Variants in MEF2A observed in about 807,000 individuals in gnomAD.
The protein encoded by MEF2A is myocyte-specific enhancer factor 2A.
In MEF2A, 28 loss-of-function variants were observed where a neutral mutation model predicts 55.8. The observed-to-expected ratio is 0.50, with a 90% CI of 0.37 to 0.69. MEF2A has a LOEUF of 0.69. MEF2A is among the 30% of genes least tolerant of loss of function. The pLI is 0.00. For missense variants in MEF2A, 528 were observed against 626.2 expected (o/e 0.84, Z 1.67); for synonymous variants, 239 against 227.1 (o/e 1.05, Z -0.47).
intron 2 of MEF2A, among the ~76,000 whole-genome samples, chr15:99,610,421 C>T: frequency 1.2e-5 from 1 of 80,438 alleles, no homozygotes; most frequent in Non-Finnish European, 2.3e-5. Context: ...GCCCCCCCCC[C>T]CCCCCACCCC....
At chr15:99,655,896 C>T (rs1240079470) in intron 4 of MEF2A, among the ~76,000 whole-genome samples, 2 of 152,082 alleles carry the variant, frequency 1.3e-5, no homozygotes, top group East Asian at 1.9e-4. Context: ...CTGGCTCTCT[C>T]TTTCATTTAA....
chr15:99,629,518 G>A (rs374910472), intron 2 of MEF2A, among the ~76,000 whole-genome samples: 607 of 143,168 alleles, frequency 4.2e-3, no homozygotes, highest in East Asian at 0.011. Flanking sequence ...AAAAGAAAGC[G>A]GAGAGGAAAG....
At chr15:99,708,908 G>A (rs1412151795) in intron 10 of MEF2A, among the ~76,000 whole-genome samples, 2 of 152,320 alleles carry the variant, frequency 1.3e-5, no homozygotes, top group African/African-American at 4.8e-5. Flanking sequence ...GGGACAGAGC[G>A]TGGGTGGTTA....
At chr15:99,577,449 G>A (rs922741004) in intron 1 of MEF2A, among the ~76,000 whole-genome samples, 10 of 152,126 alleles carry the variant, frequency 6.6e-5, no homozygotes, top group African/African-American at 2.2e-4. Context: ...GGACATAGAC[G>A]ATTTGTGCTT....
intron 9 of MEF2A, among the ~76,000 whole-genome samples, chr15:99,706,173 G>A (rs992966103): frequency 1.3e-5 from 2 of 152,226 alleles, no homozygotes; most frequent in Non-Finnish European, 2.9e-5. Flanking sequence ...GGACTATGAA[G>A]GGATACATGT....
chr15:99,636,685 C>T (rs1452864452), intron 3 of MEF2A, among the ~76,000 whole-genome samples: 1 of 152,176 alleles, frequency 6.6e-6, no homozygotes, highest in Non-Finnish European at 1.5e-5. Context: ...TTAATGGTTT[C>T]CCATTTACCT....
intron 1 of MEF2A, among the ~76,000 whole-genome samples, chr15:99,591,603 T>C (rs1194798358): frequency 1.3e-5 from 2 of 152,186 alleles, no homozygotes; most frequent in Admixed American, 6.6e-5. Flanking sequence ...TATTTCGTCA[T>C]GTATTTTTTG....
chr15:99,636,477 G>T (rs1484194237), intron 3 of MEF2A, among the ~76,000 whole-genome samples: 6 of 152,040 alleles, frequency 3.9e-5, no homozygotes, highest in African/African-American at 1.4e-4. Context: ...TCTTGAGTAG[G>T]TTGGACTACG....
At chr15:99,703,655 T>A (rs201328002) in intron 9 of MEF2A, among the ~76,000 whole-genome samples, 1 of 64,362 alleles carries the variant, frequency 1.6e-5, no homozygotes, top group Non-Finnish European at 4.8e-5. Flanking sequence ...TACTTGTTAA[T>A]TTTTTTTTTA....
intron 5 of MEF2A, 113 bp from the exon 6 acceptor site, chr15:99,674,280 C>T (rs1272560967): frequency 2.5e-5 from 22 of 895,714 alleles, no homozygotes; most frequent in Non-Finnish European, 3.6e-5. Flanking sequence ...AAGAACCTAT[C>T]CCTATCCTCT....
intron 11 of MEF2A, among the ~76,000 whole-genome samples, chr15:99,711,417 G>A (rs2058630413): frequency 6.6e-6 from 1 of 152,220 alleles, no homozygotes; most frequent in African/African-American, 2.4e-5. Context: ...AAGCAAAGAG[G>A]ATTTACAGTG....
At chr15:99,602,653 GGTGTGTGTGTGTGTGT>G (rs773502316) in intron 2 of MEF2A, among the ~76,000 whole-genome samples, 37 of 44,864 alleles carry the variant, frequency 8.2e-4, no homozygotes, top group East Asian at 6.1e-3. Flanking sequence ...ACATTCCTGG[GGTGTGTGTGTGTGTGT>G]GTGTGTGTGT....
chr15:99,683,653 C>T (rs1212303818), intron 7 of MEF2A, among the ~76,000 whole-genome samples: 1 of 150,680 alleles, frequency 6.6e-6, no homozygotes, highest in African/African-American at 2.4e-5. Context: ...ATCTACCCAT[C>T]TCGGCCTCCC....
rs28377673 is a variant in MEF2A, at chr15:99,715,887, T to C, written c.*3116T>C. On this transcript the variant is annotated 3_prime_UTR_variant, in exon 12 of 12. Transcript: ENST00000557942. ...AAACTCCATCTTTTGAGCCCAATTATGTCCATTTTGTTATAGACTAAATCA... is the reference window on the plus strand; with the variant it reads ...AAACTCCATCTTTTGAGCCCAATTACGTCCATTTTGTTATAGACTAAATCA... 0.045 allele frequency: 6,786 copies of C among 152,462 alleles called. 504 individuals carry two copies. Among genetic ancestry groups the C allele is most frequent in the African/African-American group, 0.15 (6,229 of 41,520 alleles). 9.4% of individuals were successfully genotyped at this position (152,462 alleles called of 1,614,324 possible). A position where few individuals can be genotyped will look rare whatever the true frequency, so the allele number is the denominator to read the frequency against.
chr15:99,571,720 C>T (rs1199915799), intron 1 of MEF2A, among the ~76,000 whole-genome samples: 1 of 7,126 alleles, frequency 1.4e-4, no homozygotes, highest in African/African-American at 2.5e-4. Context: ...CTATTTTTCC[C>T]TCTTCCCCCA....
intron 2 of MEF2A, among the ~76,000 whole-genome samples, chr15:99,601,565 G>T (rs1049533628): frequency 1.5e-5 from 2 of 129,176 alleles, no homozygotes; most frequent in South Asian, 2.8e-4. Context: ...TTGGCCAAAT[G>T]TTTTTTCTGC....
Position 99,569,315 on chromosome 15 carries a change from G to A in MEF2A, c.-225+3211G>A, listed in dbSNP as rs111638983. Among the ~76,000 whole-genome samples the A allele has an allele frequency of 5.4e-4, 83 of 152,310 alleles. 1 individual carries two copies. Among genetic ancestry groups the A allele is most frequent in the African/African-American group, 2.0e-3 (82 of 41,554 alleles). On this transcript the variant is annotated intron_variant, in intron 1 of 11. Transcript: ENST00000557942. ...GCCTGATCTCCCTGCATCCCTTCTG[G>A]CTTTTGTTTCTTCTTTCCTCTGAAG...
rs1177721443 is a variant in MEF2A at position 99,712,910 on chromosome 15, G to GGTGT, written c.*141_*144dup. ...ATCCCTTTACATATATATGTATGTG[G>GGTGT]GTGTGAGTGTGTATGTGTGGGTGTG... On this transcript the variant is annotated 3_prime_UTR_variant, in exon 12 of 12. Transcript: ENST00000557942. This position sits in a 1 kb window ranked among gnomAD's most constrained non-coding sequence, Gnocchi z 4.1. 5 of 926,664 alleles carry GGTGT rather than the reference G, an allele frequency of 5.4e-6. No individual in the cohort carries two copies. In the East Asian group the frequency reaches 8.5e-5, roughly 16 times the overall value. The allele number at this position is 926,664 out of a possible 1,614,324, so 57.4% of individuals were successfully genotyped here.
At chr15:99,585,373 G>A (rs529337304) in intron 1 of MEF2A, among the ~76,000 whole-genome samples, 1 of 152,062 alleles carries the variant, frequency 6.6e-6, no homozygotes, top group Non-Finnish European at 1.5e-5. Context: ...TTCCTTAAAT[G>A]CTTGCTTGTG....
Sources: allele counts gnomAD v4.1 joint callset (sites outside exome capture counted in the v4.1 genomes callset), GRCh38; gene constraint gnomAD v4.1.1; non-coding constraint Gnocchi (gnomAD v3.1); transcripts MANE v1.5; gene names NCBI Gene and HGNC (gene_info 2026-07-23, HGNC 2026-07-21).